The following ZMIZ1 variants were observed in gnomAD, a reference collection of about 807,000 sequenced individuals.
ZMIZ1 encodes zinc finger MIZ domain-containing protein 1.
In ZMIZ1, 17 loss-of-function variants were observed where a neutral mutation model predicts 113.9. That is an observed-to-expected ratio of 0.15 (90% CI 0.10 to 0.22). The LOEUF is 0.22. Ranked by LOEUF, ZMIZ1 falls within the 10% of genes least tolerant of loss-of-function variation. The pLI, the probability that ZMIZ1 is intolerant of heterozygous loss-of-function variation, is 1.00. For synonymous variants in ZMIZ1, 607 were observed against 603.1 expected (o/e 1.01, Z -0.09); for missense variants, 1,059 against 1,477.8 (o/e 0.72, Z 4.65).
intron 7 of ZMIZ1, among the ~76,000 whole-genome samples, chr10:79,251,213 C>T (rs1187284580): frequency 6.6e-6 from 1 of 152,132 alleles, no homozygotes; most frequent in African/African-American, 2.4e-5. Context: ...TCCCCCTCCT[C>T]TCCTGTCTTC....
intron 17 of ZMIZ1, among the ~76,000 whole-genome samples, chr10:79,301,236 C>T (rs949112620): frequency 3.3e-5 from 5 of 152,140 alleles, no homozygotes; most frequent in African/African-American, 9.7e-5. Context: ...CCCCTCCTGG[C>T]CCCTCCTCCC....
At position 79,303,538 on chromosome 10, in the gene ZMIZ1, G is replaced by GA. The variant is rs1589606492; in HGVS notation, c.2126-477_2126-476insA. Among the ~76,000 whole-genome samples, 4 of 151,624 alleles carry GA rather than the reference G, an allele frequency of 2.6e-5. No homozygotes were observed. In the East Asian group the frequency reaches 7.8e-4, roughly 30 times the overall value. ...GAAGGAGACTCCGGGTGTGGACTCG[G>GA]GCCCTGTGCAAGAGGTACAGGGCCA... On this transcript the variant is annotated intron_variant, in intron 18 of 24. Transcript: ENST00000334512.
intron 18 of ZMIZ1, among the ~76,000 whole-genome samples, chr10:79,302,705 TGAGA>T (rs71482722): frequency 5.4e-5 from 5 of 92,460 alleles, no homozygotes; most frequent in Middle Eastern, 0.011. Flanking sequence ...TTTTTTTTTT[TGAGA>T]GAGAGAGAGA....
intron 4 of ZMIZ1, among the ~76,000 whole-genome samples, chr10:79,176,361 G>T (rs537637577): frequency 1.1e-4 from 16 of 152,196 alleles, no homozygotes; most frequent in African/African-American, 3.6e-4. Context: ...CTGAGCAAGA[G>T]ACTGGGTGTC....
chr10:79,109,317 C>G (rs1344181323), intron 1 of ZMIZ1, among the ~76,000 whole-genome samples: 1 of 152,204 alleles, frequency 6.6e-6, no homozygotes, highest in Non-Finnish European at 1.5e-5. Flanking sequence ...CTCATCCTGT[C>G]TTTTTCATTA....
chr10:79,069,824 G>T lies in ZMIZ1; in HGVS notation c.-337+554G>T, dbSNP rs144345570. On this transcript the variant is annotated intron_variant, in intron 1 of 24. Coordinates refer to ENST00000334512, the MANE Select transcript of ZMIZ1 (RefSeq NM_020338.4). This position sits in a 1 kb window ranked among gnomAD's most constrained non-coding sequence, Gnocchi z 4.6. ...TACACTTTTGTAAATGGGAGGTGGG[G>T]GCGCGGTTAAGTTGTTTGTGTGGGA... 1.7e-3 allele frequency among the ~76,000 whole-genome samples: 262 copies of T among 152,216 alleles called. 1 individual carries two copies. Among genetic ancestry groups the T allele is most frequent in the Non-Finnish European group, 3.2e-3 (218 of 68,008 alleles).
intron 2 of ZMIZ1, among the ~76,000 whole-genome samples, chr10:79,121,945 A>G (rs975838373): frequency 1.3e-5 from 2 of 152,194 alleles, no homozygotes; most frequent in South Asian, 2.1e-4. Flanking sequence ...AGTCTCCTAG[A>G]ATTAGGGCCA....
intron 18 of ZMIZ1, 25 bp from the exon 19 acceptor site, chr10:79,303,990 C>A: frequency 6.2e-7 from 1 of 1,613,158 alleles, no homozygotes; most frequent in Non-Finnish European, 8.5e-7. Context: ...GCCATCCTCA[C>A]CTGTCTGTGC....
chr10:79,292,638 A>T (rs1261724212), intron 11 of ZMIZ1: 2 of 515,818 alleles, frequency 3.9e-6, no homozygotes, highest in Admixed American at 5.7e-5. Context: ...GCATATGGGG[A>T]AAAGGTTCTA....
chr10:79,220,680 C>T (rs1176271347), intron 7 of ZMIZ1, among the ~76,000 whole-genome samples: 1 of 152,224 alleles, frequency 6.6e-6, no homozygotes, highest in African/African-American at 2.4e-5. Context: ...GGCCCCTGTC[C>T]ATCTCTAGCT....
chr10:79,148,637 C>A (rs1463177507), intron 3 of ZMIZ1, among the ~76,000 whole-genome samples: 1 of 126,288 alleles, frequency 7.9e-6, no homozygotes, highest in Non-Finnish European at 1.7e-5. Context: ...AATGTGGATT[C>A]TGGGCCGGGG....
intron 1 of ZMIZ1, among the ~76,000 whole-genome samples, chr10:79,106,215 C>G (rs1018722493): frequency 2.0e-5 from 3 of 152,244 alleles, no homozygotes; most frequent in Non-Finnish European, 2.9e-5. Flanking sequence ...TGGCTGCTCT[C>G]TCCTAGGCCA....
chr10:79,105,461 T>A (rs1349047014), intron 1 of ZMIZ1, among the ~76,000 whole-genome samples: 6 of 152,244 alleles, frequency 3.9e-5, no homozygotes, highest in Non-Finnish European at 7.3e-5. Flanking sequence ...TGAGCTTCTT[T>A]CTGCTCCTCA....
chr10:79,290,949 C>A lies in ZMIZ1; in HGVS notation c.541-10C>A, dbSNP rs1414889857. On this transcript the variant is annotated splice_polypyrimidine_tract_variant and intron_variant, in intron 9 of 24. Coordinates refer to ENST00000334512, the MANE Select transcript of ZMIZ1 (RefSeq NM_020338.4). ...AGCACCTTAGGTGACAACCACTTCT[C>A]TGCCCACAGGTCCTTGGGAACCCTA... The A allele has an allele frequency of 3.1e-6, 5 of 1,611,558 alleles. No individual in the cohort carries two copies. The South Asian group carries it at 5.5e-5, about 18-fold the overall frequency.
At chr10:79,195,507 G>A (rs1262372747) in intron 4 of ZMIZ1, among the ~76,000 whole-genome samples, 1 of 152,140 alleles carries the variant, frequency 6.6e-6, no homozygotes, top group East Asian at 1.9e-4. Context: ...TCCGGCTATA[G>A]AGCTGCAGCC....
chr10:79,203,941 CA>C (rs1848209585), intron 5 of ZMIZ1, among the ~76,000 whole-genome samples: 1 of 152,204 alleles, frequency 6.6e-6, no homozygotes, highest in Non-Finnish European at 1.5e-5. Flanking sequence ...GGCAGTGGCG[CA>C]TTTGTGAGTG....
intron 2 of ZMIZ1, among the ~76,000 whole-genome samples, chr10:79,121,612 C>T (rs905349924): frequency 6.6e-6 from 1 of 152,172 alleles, no homozygotes; most frequent in African/African-American, 2.4e-5. Context: ...TGGAGGAGTC[C>T]TAGGCCTTTG....
intron 9 of ZMIZ1, 79 bp from the exon 10 acceptor site, chr10:79,290,880 T>C: frequency 6.5e-7 from 1 of 1,529,054 alleles, no homozygotes; most frequent in Admixed American, 1.7e-5. Flanking sequence ...TTTCTCCCTT[T>C]CCCCTCTTCA....
At position 79,291,127 on chromosome 10, in the gene ZMIZ1, A is replaced by G; in HGVS notation, c.709A>G (p.Ser237Gly). 6.2e-7 allele frequency: 1 copy of G among 1,613,946 alleles called. No individual in the cohort carries two copies. Among genetic ancestry groups the G allele is most frequent in the Non-Finnish European group, 8.5e-7 (1 of 1,179,894 alleles). Reference sequence around the variant, plus strand: ...CCCCGCTCAGCCCTACATCCAGCAGAGCATGTATGGCCGGCCCAACTACCC... The same window carrying G: ...CCCCGCTCAGCCCTACATCCAGCAGGGCATGTATGGCCGGCCCAACTACCC... ...AGPAQPYIQQSMYGRPNYPGS... is the reference protein window; with the variant it reads ...AGPAQPYIQQGMYGRPNYPGS... The change falls in exon 10 of 25, where the codon AGC (serine) becomes GGC (glycine). Residue 237 changes from serine to glycine, a missense_variant. By Grantham distance (56) the Ser-to-Gly change is moderately conservative. Coordinates refer to ENST00000334512, the MANE Select transcript of ZMIZ1 (RefSeq NM_020338.4).
Sources: gnomAD v4.1 joint callset for allele counts (sites outside exome capture counted in the v4.1 genomes callset) on GRCh38, gnomAD v4.1.1 for gene constraint, Gnocchi (gnomAD v3.1) non-coding constraint, MANE v1.5 for transcripts, NCBI Gene and HGNC (gene_info 2026-07-23, HGNC 2026-07-21) for gene names.